The following MSL3 variants were observed in gnomAD, a reference collection of about 807,000 sequenced individuals.
MSL3 encodes MSL3-like 1.
In MSL3, 5 loss-of-function variants were observed where a neutral mutation model predicts 37.2. The ratio of observed to expected loss-of-function variants is 0.13; its 90% CI spans 0.07 to 0.28. The LOEUF (loss-of-function observed/expected upper bound fraction) is 0.28. Among genes scored for constraint, MSL3 ranks in the 10% least tolerant of loss-of-function variants. The pLI is 1.00. For missense variants in MSL3, 315 were observed against 408.5 expected (o/e 0.77, Z 1.97); for synonymous variants, 149 against 147.6 (o/e 1.01, Z -0.07).
intron 9 of MSL3, chrX:11,766,227 T>G (rs12558575): frequency 0.066 from 50,556 of 766,378 alleles, 1,732 homozygotes; most frequent in African/African-American, 0.24. Context: ...CATCAGATCT[T>G]CTCACCTTGA....
intron 10 of MSL3, among the ~76,000 whole-genome samples, chrX:11,771,547 T>G (rs1020539776): frequency 8.9e-6 from 1 of 112,761 alleles, no homozygotes; most frequent in South Asian, 3.6e-4. Flanking sequence ...TAATGCTTCA[T>G]TCTCTCTCTA....
chrX:11,763,975 C>T (rs754751311), intron 8 of MSL3, 37 bp downstream of exon 8: 1 of 1,127,704 alleles, frequency 8.9e-7, no homozygotes, highest in East Asian at 3.0e-5. Flanking sequence ...CCTCACATGT[C>T]AGCAGTACAA....
chrX:11,770,106 C>A (rs932591075), intron 10 of MSL3, among the ~76,000 whole-genome samples: 3 of 112,908 alleles, frequency 2.7e-5, no homozygotes, highest in Non-Finnish European at 5.6e-5. Flanking sequence ...TTAATTCATT[C>A]ATGGACACTG....
intron 12 of MSL3, among the ~76,000 whole-genome samples, chrX:11,774,467 C>T (rs961111352): frequency 1.1e-4 from 12 of 110,644 alleles, no homozygotes; most frequent in Non-Finnish European, 2.3e-4. Context: ...CTACAGGCAC[C>T]CGCCACCACG....
In MSL3 at chrX:11,758,372, C is replaced by T. The variant is rs199773415; in HGVS notation, c.102+7C>T. ...AGTGCTGTACGATGCCAAGGTGCCG[C>T]CGCGGAGGGACAGGGAGGAGGCGCG... On this transcript the variant is annotated splice_region_variant and intron_variant, in intron 1 of 12. Transcript: ENST00000312196. The T allele has an allele frequency of 2.7e-5, 30 of 1,097,038 alleles. No homozygotes were observed. In the African/African-American group the frequency reaches 5.6e-4, roughly 20 times the overall value. 90.4% of individuals were successfully genotyped at this position (1,097,038 alleles called of 1,213,427 possible).
In MSL3 at chrX:11,766,004, T is replaced by C. The variant is rs1338299980; in HGVS notation, c.1171+275T>C. The C allele has an allele frequency of 8.9e-6, 9 of 1,006,584 alleles. No homozygotes were observed. The South Asian group carries it at 3.3e-4, about 36-fold the overall frequency. 83.0% of individuals were successfully genotyped at this position (1,006,584 alleles called of 1,213,427 possible). A position where few individuals can be genotyped will look rare whatever the true frequency, so the allele number is the denominator to read the frequency against. ...TACCACTTGTGAGCAAATTGAGTTA[T>C]CAGAATTCTATGTATTGTGTAGCTA... On this transcript the variant is annotated intron_variant, in intron 9 of 12. Coordinates refer to ENST00000312196, the MANE Select transcript of MSL3 (RefSeq NM_078629.4).
At chrX:11,760,804 A>G (rs778282766) in intron 3 of MSL3, 33 bp from the exon 4 acceptor site, 3 of 1,113,399 alleles carry the variant, frequency 2.7e-6, no homozygotes, top group Non-Finnish European at 3.6e-6. Context: ...TCAATGTCAA[A>G]ACTTATTTCA....
chrX:11,765,047 T>A (rs182196628), intron 8 of MSL3, among the ~76,000 whole-genome samples: 13,539 of 112,488 alleles, frequency 0.12, 666 homozygotes, highest in African/African-American at 0.19. Flanking sequence ...GTATTCTTGT[T>A]CTCTAGACCA....
intron 3 of MSL3, 55 bp from the exon 4 acceptor site, chrX:11,760,782 A>G: frequency 1.1e-6 from 1 of 939,170 alleles, no homozygotes; most frequent in East Asian, 3.3e-5. Flanking sequence ...TTTGATCTCA[A>G]GACTCACGAG....
intron 9 of MSL3, chrX:11,767,390 A>T: frequency 2.7e-6 from 1 of 375,765 alleles, no homozygotes; most frequent in East Asian, 2.0e-4. Context: ...TGCCTGTGAG[A>T]CTGGGGCAGG....
intron 4 of MSL3, 60 bp from the exon 5 acceptor site, chrX:11,761,440 A>C: frequency 2.7e-6 from 2 of 740,443 alleles, no homozygotes; most frequent in Non-Finnish European, 4.1e-6. Flanking sequence ...GAAGATCTGT[A>C]GACATAAGGG....
chrX:11,759,565 C>T, intron 1 of MSL3: 1 of 1,015,495 alleles, frequency 9.8e-7, no homozygotes. Flanking sequence ...AAGCCTCACA[C>T]TGTCTCACGC....
intron 4 of MSL3, 138 bp downstream of exon 4, chrX:11,761,075 A>C: frequency 2.1e-6 from 1 of 473,883 alleles, no homozygotes; most frequent in South Asian, 3.9e-5. Context: ...TTGACAATTA[A>C]AGTAGCAGTC....
At chrX:11,759,040 T>C (rs978543597) in intron 1 of MSL3, among the ~76,000 whole-genome samples, 2 of 112,048 alleles carry the variant, frequency 1.8e-5, no homozygotes, top group Non-Finnish European at 3.8e-5. Flanking sequence ...ATCTTGCAGC[T>C]CCTCAGATTT....
chrX:11,771,736 C>T (rs910008281), intron 10 of MSL3, among the ~76,000 whole-genome samples: 16 of 111,563 alleles, frequency 1.4e-4, no homozygotes, highest in African/African-American at 5.2e-4. Context: ...TCCACCACCA[C>T]ACCTGGCTAA....
At chrX:11,760,705 A>T in intron 3 of MSL3, 132 bp from the exon 4 acceptor site, 1 of 605,514 alleles carries the variant, frequency 1.7e-6, no homozygotes, top group Non-Finnish European at 2.5e-6. Context: ...TCTGAAATGG[A>T]AATTACCATT....
At chrX:11,758,446 C>T (rs1361562728) in intron 1 of MSL3, 81 bp downstream of exon 1, 1 of 932,054 alleles carries the variant, frequency 1.1e-6, no homozygotes, top group African/African-American at 2.1e-5. Flanking sequence ...GACGGCCGCG[C>T]GGAGCTGAGG....
chrX:11,758,842 G>C (rs770902363), intron 1 of MSL3: 1 of 1,060,886 alleles, frequency 9.4e-7, no homozygotes, highest in African/African-American at 1.9e-5. Context: ...CCCTAGTCCA[G>C]TTTAGGCCCC....
chrX:11,768,987 T>C (rs919707496), intron 10 of MSL3: 3 of 198,454 alleles, frequency 1.5e-5, no homozygotes, highest in African/African-American at 8.9e-5. Context: ...TACTTTCGGC[T>C]TTGTGGGCCA....
Sources: gnomAD v4.1 joint callset for allele counts (sites outside exome capture counted in the v4.1 genomes callset) on GRCh38, gnomAD v4.1.1 for gene constraint, MANE v1.5 for transcripts, NCBI Gene and HGNC (gene_info 2026-07-23, HGNC 2026-07-21) for gene names.